ARSG: variants seen among roughly 807,000 people sequenced by gnomAD.
The protein encoded by ARSG is arylsulfatase G.
In ARSG, 37 loss-of-function variants were observed where a neutral mutation model predicts 50.5. That is an observed-to-expected ratio of 0.73 (90% CI 0.56 to 0.96). ARSG has a LOEUF of 0.96. Ranked by LOEUF, ARSG falls within the 50% of genes least tolerant of loss-of-function variation. ARSG has a pLI of 0.00. For missense variants in ARSG, 629 were observed against 675.3 expected (o/e 0.93, Z 0.76); for synonymous variants, 225 against 254.6 (o/e 0.88, Z 1.11).
chr17:68,408,630 G>A (rs2081857859), intron 11 of ARSG, among the ~76,000 whole-genome samples: 1 of 152,126 alleles, frequency 6.6e-6, no homozygotes, highest in African/African-American at 2.4e-5. Context: ...AGTCCTTTGG[G>A]TATATACGCA....
intron 1 of ARSG, among the ~76,000 whole-genome samples, chr17:68,259,778 C>T (rs144748506): frequency 9.2e-5 from 14 of 152,334 alleles, no homozygotes; most frequent in African/African-American, 3.4e-4. Flanking sequence ...TTTTCAAGTG[C>T]TCAACAGCCC....
At chr17:68,430,184 G>A in the ARSG span, 2 of 1,600,332 alleles carry the variant, frequency 1.2e-6, no homozygotes, top group Admixed American at 1.7e-5. Context: ...CACAGGCAAC[G>A]ATGGGACTGG....
At chr17:68,332,189 G>C (rs941565291) in intron 2 of ARSG, among the ~76,000 whole-genome samples, 1 of 152,128 alleles carries the variant, frequency 6.6e-6, no homozygotes, top group Non-Finnish European at 1.5e-5. Flanking sequence ...CCTCCCCTTG[G>C]GAACGCATTC....
intron 10 of ARSG, among the ~76,000 whole-genome samples, chr17:68,398,490 TAAAA>T (rs913589330): frequency 4.6e-5 from 7 of 152,354 alleles, no homozygotes; most frequent in African/African-American, 1.7e-4. Context: ...ATATGTATTT[TAAAA>T]TAAGCACAAT....
At chr17:68,281,341 G>C (rs1265779002) in intron 1 of ARSG, among the ~76,000 whole-genome samples, 1 of 152,034 alleles carries the variant, frequency 6.6e-6, no homozygotes, top group Non-Finnish European at 1.5e-5. Context: ...GCCTGAGGCA[G>C]GTGGATCATG....
At chr17:68,395,319 G>A (rs1026348429) in intron 10 of ARSG, 126 bp downstream of exon 10, 17 of 1,416,776 alleles carry the variant, frequency 1.2e-5, no homozygotes, top group Non-Finnish European at 1.6e-5. Flanking sequence ...CGGATACAGT[G>A]GCTCACGCCT....
chr17:68,334,890 T>C (rs1261541070), intron 2 of ARSG, among the ~76,000 whole-genome samples: 1 of 152,166 alleles, frequency 6.6e-6, no homozygotes, highest in East Asian at 1.9e-4. Context: ...ACTGCCACAT[T>C]ATTCTGTTGG....
downstream of ARSG, among the ~76,000 whole-genome samples, chr17:68,425,715 C>T (rs1193304968): frequency 6.6e-6 from 1 of 152,130 alleles, no homozygotes; most frequent in African/African-American, 2.4e-5. Flanking sequence ...TCCATGGGAG[C>T]CTCAGGAAAA....
At chr17:68,302,040 G>T (rs540757142) in intron 1 of ARSG, among the ~76,000 whole-genome samples, 1 of 152,284 alleles carries the variant, frequency 6.6e-6, no homozygotes. Flanking sequence ...AGTAAGTGGT[G>T]TGAGGGCAGG....
At chr17:68,279,863 T>C (rs1359095709) in intron 1 of ARSG, among the ~76,000 whole-genome samples, 1 of 152,178 alleles carries the variant, frequency 6.6e-6, no homozygotes, top group Non-Finnish European at 1.5e-5. Flanking sequence ...CTTCAAGCTC[T>C]TAATGGCAAC....
At chr17:68,444,842 C>T in the ARSG span, among the ~76,000 whole-genome samples, 326 of 151,678 alleles carry the variant, frequency 2.1e-3, no homozygotes, top group South Asian at 0.011. Flanking sequence ...TTCTCTCCTT[C>T]CTTCTTCCCT....
intron 6 of ARSG, among the ~76,000 whole-genome samples, chr17:68,362,745 G>A (rs191809044): frequency 1.6e-3 from 236 of 152,182 alleles, no homozygotes; most frequent in Middle Eastern, 0.01. Context: ...TTCGGAGTTT[G>A]GAGTATTTTG....
intron 1 of ARSG, among the ~76,000 whole-genome samples, chr17:68,286,365 T>A (rs1555754357): frequency 6.6e-6 from 1 of 152,220 alleles, no homozygotes; most frequent in African/African-American, 2.4e-5. Flanking sequence ...CTTTTTCAAT[T>A]CCTTTTTGTA....
At chr17:68,355,488 A>G (rs2078988867) in intron 5 of ARSG, among the ~76,000 whole-genome samples, 1 of 152,160 alleles carries the variant, frequency 6.6e-6, no homozygotes, top group Admixed American at 6.5e-5. Context: ...CCTCCTGAGT[A>G]GCTGAGACTA....
the ARSG span, among the ~76,000 whole-genome samples, chr17:68,438,327 T>C: frequency 1.3e-5 from 2 of 152,312 alleles, no homozygotes; most frequent in Non-Finnish European, 2.9e-5. Flanking sequence ...CCAGTTTTGC[T>C]CTGGAAACCC....
Position 68,271,247 on chromosome 17 carries a change from T to C in ARSG, c.-552+11821T>C, listed in dbSNP as rs1418064922. 1.2e-6 allele frequency: 2 copies of C among 1,614,216 alleles called. No homozygotes were observed. The highest frequency in any genetic ancestry group is 1.7e-6 in the Non-Finnish European group (2 of 1,180,054). On this transcript the variant is annotated intron_variant, in intron 1 of 11. Transcript: ENST00000448504. This position sits in a 1 kb window ranked among gnomAD's most constrained non-coding sequence, Gnocchi z 5.3. ...AAGGAAGGTGCAAAGAATCCCAGTG[T>C]TGCAAAGAGACCAAATAATGCATAA...
At chr17:68,387,011 C>T (rs1040654072) in intron 9 of ARSG, among the ~76,000 whole-genome samples, 5 of 151,166 alleles carry the variant, frequency 3.3e-5, no homozygotes, top group African/African-American at 9.7e-5. Flanking sequence ...AAAGTTGTTG[C>T]GGTTTTTGCC....
In ARSG at chr17:68,351,181, AT is replaced by A. The variant is rs78426511; in HGVS notation, c.455-384del. Among the ~76,000 whole-genome samples the A allele has an allele frequency of 2.4e-3, 338 of 141,498 alleles. 1 individual carries two copies. Among genetic ancestry groups the A allele is most frequent in the Non-Finnish European group, 2.9e-3 (184 of 64,214 alleles). 92.8% of individuals were successfully genotyped at this position (141,498 alleles called of 152,430 possible). A position where few individuals can be genotyped will look rare whatever the true frequency, so the allele number is the denominator to read the frequency against. ...TATTCTTTCTAAAAAATTTTTTATAATTTTTTTTTTCTCTGTGGTTGTGGCA... is the reference window on the plus strand; with the variant it reads ...TATTCTTTCTAAAAAATTTTTTATAATTTTTTTTTCTCTGTGGTTGTGGCA... On this transcript the variant is annotated intron_variant, in intron 4 of 11. Coordinates refer to ENST00000621439, the MANE Select transcript of ARSG (RefSeq NM_001267727.2).
rs547301544 is a variant in ARSG, at chr17:68,329,763, G to A, written c.219-13841G>A. Among the ~76,000 whole-genome samples the A allele has an allele frequency of 7.2e-5, 11 of 152,252 alleles. No homozygotes were observed. In the South Asian group the frequency reaches 2.3e-3, roughly 32 times the overall value. On this transcript the variant is annotated intron_variant, in intron 2 of 11. Transcript: ENST00000621439. ...CCTGGGCCATGTTGGAAGAAGAATT[G>A]TCTTGGGCCACATATAAAATACTCT...
Sources: allele counts gnomAD v4.1 joint callset (sites outside exome capture counted in the v4.1 genomes callset), GRCh38; gene constraint gnomAD v4.1.1; non-coding constraint Gnocchi (gnomAD v3.1); transcripts MANE v1.5; gene names NCBI Gene and HGNC (gene_info 2026-07-23, HGNC 2026-07-21).